FRAS1: variants seen among roughly 807,000 people sequenced by gnomAD.
FRAS1 encodes the protein Fraser extracellular matrix complex subunit 1.
FRAS1 carries 290 observed loss-of-function variants against 435.2 expected under a neutral mutation model. The ratio of observed to expected loss-of-function variants is 0.67; its 90% CI spans 0.61 to 0.73. The LOEUF (loss-of-function observed/expected upper bound fraction) is 0.73. FRAS1 is among the 30% of genes least tolerant of loss of function. The pLI is 0.00. For missense variants in FRAS1, 4,860 were observed against 5,001.5 expected, an observed-to-expected ratio of 0.97 and a Z score of 0.85; for synonymous variants, 1,800 against 1,851.0, an observed-to-expected ratio of 0.97 and a Z score of 0.71.
intron 6 of FRAS1, among the ~76,000 whole-genome samples, chr4:78,260,734 C>G (rs1313833959): frequency 6.6e-6 from 1 of 152,140 alleles, no homozygotes; most frequent in African/African-American, 2.4e-5. Context: ...GAACTTCCAA[C>G]ACTATGTTGA....
intron 2 of FRAS1, among the ~76,000 whole-genome samples, chr4:78,162,825 C>T (rs780404860): frequency 2.6e-5 from 4 of 152,178 alleles, no homozygotes; most frequent in Non-Finnish European, 5.9e-5. Flanking sequence ...AGTTGTTAGA[C>T]ATGGTTTTAA....
intron 2 of FRAS1, among the ~76,000 whole-genome samples, chr4:78,163,010 C>T (rs936876383): frequency 2.6e-5 from 4 of 152,258 alleles, no homozygotes; most frequent in East Asian, 1.9e-4. Context: ...CCTGACCATG[C>T]GGGGCTAGAC....
At chr4:78,502,743 A>C (rs1430242256) in intron 61 of FRAS1, among the ~76,000 whole-genome samples, 1 of 152,204 alleles carries the variant, frequency 6.6e-6, no homozygotes, top group African/African-American at 2.4e-5. Flanking sequence ...CAGAACTTCC[A>C]ATACTGTGTT....
intron 29 of FRAS1, among the ~76,000 whole-genome samples, chr4:78,400,495 A>G (rs1182274033): frequency 6.6e-6 from 1 of 152,202 alleles, no homozygotes; most frequent in Non-Finnish European, 1.5e-5. Flanking sequence ...GTCTTTCTAA[A>G]TAAGTTGTTG....
At chr4:78,493,353 A>G (rs1293323923) in intron 59 of FRAS1, among the ~76,000 whole-genome samples, 10 of 152,244 alleles carry the variant, frequency 6.6e-5, no homozygotes, top group Non-Finnish European at 4.4e-5. Context: ...ACACATGCAC[A>G]TGTATATTTA....
chr4:78,410,307 A>G (rs1354305404), intron 31 of FRAS1, among the ~76,000 whole-genome samples: 1 of 152,058 alleles, frequency 6.6e-6, no homozygotes, highest in Non-Finnish European at 1.5e-5. Context: ...AATAAAAAAT[A>G]CTTTATGATT....
intron 2 of FRAS1, among the ~76,000 whole-genome samples, chr4:78,138,140 A>G (rs906727730): frequency 1.1e-4 from 16 of 152,184 alleles, no homozygotes; most frequent in African/African-American, 3.9e-4. Context: ...CCTTGCCTGC[A>G]GAAAGCTTCA....
At chr4:78,197,710 G>T (rs1722874349) in intron 2 of FRAS1, among the ~76,000 whole-genome samples, 2 of 152,204 alleles carry the variant, frequency 1.3e-5, no homozygotes, top group Admixed American at 1.3e-4. Flanking sequence ...GGGAGGCTAA[G>T]GCGGGTGGAT....
At chr4:78,113,640 C>G (rs1453909533) in intron 2 of FRAS1, among the ~76,000 whole-genome samples, 1 of 152,174 alleles carries the variant, frequency 6.6e-6, no homozygotes, top group Non-Finnish European at 1.5e-5. Flanking sequence ...TGAGAAATGT[C>G]TGTTCATATC....
rs72659006 is a variant in FRAS1, at chr4:78,448,422, A to G, written c.6274+106A>G. 0.091 allele frequency: 99,086 copies of G among 1,089,134 alleles called. 5,213 individuals carry two copies. The highest frequency in any genetic ancestry group is 0.11 in the Non-Finnish European group (83,927 of 775,462). 67.5% of individuals were successfully genotyped at this position (1,089,134 alleles called of 1,614,324 possible). A position where few individuals can be genotyped will look rare whatever the true frequency, so the allele number is the denominator to read the frequency against. ...TGTTAGTGATGTGGGTGCATCTTAA[A>G]GTACCTGTTCCATACTTGGGGAGAT... is the stretch of plus-strand genomic sequence containing the variant. On this transcript the variant is annotated intron_variant, in intron 44 of 73. Coordinates refer to ENST00000512123, the MANE Select transcript of FRAS1 (RefSeq NM_025074.7).
intron 2 of FRAS1, among the ~76,000 whole-genome samples, chr4:78,122,113 G>T: frequency 6.6e-6 from 1 of 152,084 alleles, no homozygotes; most frequent in East Asian, 1.9e-4. Context: ...TTCTCCTAAT[G>T]TTATCTATCC....
At chr4:78,308,021 C>A in intron 14 of FRAS1, 45 bp from the exon 15 acceptor site, 1 of 1,542,956 alleles carries the variant, frequency 6.5e-7, no homozygotes, top group South Asian at 1.3e-5. Context: ...GATGACCAGT[C>A]CTTTCTGCCG....
In FRAS1 at chr4:78,507,551, G is replaced by C; in HGVS notation, c.9447G>C (p.Thr3149=). 2 of 1,611,030 alleles carry C rather than the reference G, an allele frequency of 1.2e-6. No homozygotes were observed. Among genetic ancestry groups the C allele is most frequent in the South Asian group, 2.2e-5 (2 of 90,170 alleles). ...EAVLGDVTTA[T]VTILDQEAAG... ...TTCTTGGGGATGTGACTACTGCCAC[G>C]GTGACAATTCTAGACCAGGAGGCAG... Residue 3149 remains threonine, a synonymous_variant, in exon 62 of 74, where the codon ACG becomes ACC. Transcript: ENST00000512123.
intron 14 of FRAS1, among the ~76,000 whole-genome samples, chr4:78,290,823 A>G (rs1206245752): frequency 7.7e-6 from 1 of 130,182 alleles, no homozygotes; most frequent in African/African-American, 2.9e-5. Context: ...TTTTTTTTTT[A>G]AGACAGAGTT....
At chr4:78,470,276 C>T (rs763259522) in intron 51 of FRAS1, among the ~76,000 whole-genome samples, 185 bp downstream of exon 51, 6 of 151,782 alleles carry the variant, frequency 4.0e-5, no homozygotes, top group African/African-American at 4.8e-5. Flanking sequence ...GGATCGGTTA[C>T]GATTGTGTAT....
At chr4:78,097,991 C>T (rs1421841592) in intron 2 of FRAS1, among the ~76,000 whole-genome samples, 1 of 149,024 alleles carries the variant, frequency 6.7e-6, no homozygotes, top group East Asian at 2.0e-4. Flanking sequence ...TTTGCTGATA[C>T]CTTGGTCATG....
intron 12 of FRAS1, 125 bp downstream of exon 12, chr4:78,283,092 T>A: frequency 1.4e-6 from 1 of 705,476 alleles, no homozygotes; most frequent in Non-Finnish European, 2.1e-6. Flanking sequence ...TTTGTTTGTT[T>A]CTTCATAATT....
chr4:78,475,541 G>A lies in FRAS1; in HGVS notation c.7786G>A (p.Ala2596Thr), dbSNP rs750440079. Residue 2596 changes from alanine to threonine, a missense_variant, in exon 54 of 74, where the codon GCC becomes ACC. Physicochemically the swap from Ala to Thr is moderately conservative, Grantham distance 58 (BLOSUM62 0). Coordinates refer to ENST00000512123, the MANE Select transcript of FRAS1 (RefSeq NM_025074.7). Reference protein sequence around the residue: ...IVLCRTEQGTASSSSRVSSQP... With the variant: ...IVLCRTEQGTTSSSSRVSSQP... The stretch of plus-strand genomic sequence containing the variant: ...CCTGTGTCGCACCGAGCAAGGCACC[G>A]CCAGCTCCAGCTCCAGGGTCAGCTC... The A allele has an allele frequency of 2.2e-5, 35 of 1,613,496 alleles. 1 individual carries two copies. Among genetic ancestry groups the A allele is most frequent in the Middle Eastern group, 3.3e-4 (2 of 6,082 alleles).
chr4:78,423,886 A>T (rs1181429055), intron 34 of FRAS1, among the ~76,000 whole-genome samples: 2 of 152,230 alleles, frequency 1.3e-5, no homozygotes, highest in Non-Finnish European at 2.9e-5. Context: ...GAAGTCATCC[A>T]CTAAACTCGC....
Sources: gnomAD v4.1 joint callset for allele counts (sites outside exome capture counted in the v4.1 genomes callset) on GRCh38, gnomAD v4.1.1 for gene constraint, MANE v1.5 for transcripts, NCBI Gene and HGNC (gene_info 2026-07-23, HGNC 2026-07-21) for gene names.